Variants in MYOM2 observed in about 807,000 individuals in gnomAD.
The protein encoded by MYOM2 is myomesin-2.
MYOM2 carries 254 observed loss-of-function variants against 187.6 expected under a neutral mutation model. The ratio of observed to expected loss-of-function variants is 1.35; its 90% CI spans 1.22 to 1.50. The LOEUF is 1.50. Ranked by LOEUF, MYOM2 falls within the 40% of genes most tolerant of loss-of-function variation. The probability of loss-of-function intolerance (pLI) is 0.00; values close to 1 mark genes in which losing one functional copy is unlikely to be tolerated. For synonymous variants in MYOM2, 981 were observed against 753.8 expected (o/e 1.30, Z -4.94); for missense variants, 2,796 against 1,924.0 (o/e 1.45, Z -8.48).
chr8:2,054,306 G>A (rs746802236), intron 3 of MYOM2, among the ~76,000 whole-genome samples: 4 of 151,992 alleles, frequency 2.6e-5, no homozygotes, highest in South Asian at 2.1e-4. Context: ...TGGAAGATAC[G>A]ACCCCGATGC....
rs148428875 is a variant in MYOM2 at position 2,083,552 on chromosome 8, G to A, written c.1517-1711G>A. 1.6e-4 allele frequency among the ~76,000 whole-genome samples: 25 copies of A among 152,220 alleles called. No individual in the cohort carries two copies. In the East Asian group the frequency reaches 4.4e-3, roughly 27 times the overall value. ...TAGCGGCATCTTGCGTGTGCTTAGCGGTGTCTCTCGTGTGCTCAGCAGTAT... is the reference window on the plus strand; with the variant it reads ...TAGCGGCATCTTGCGTGTGCTTAGCAGTGTCTCTCGTGTGCTCAGCAGTAT... On this transcript the variant is annotated intron_variant, in intron 13 of 36. Coordinates refer to ENST00000262113, the MANE Select transcript of MYOM2 (RefSeq NM_003970.4).
At chr8:2,127,411 G>A (rs1381656982) in intron 31 of MYOM2, among the ~76,000 whole-genome samples, 2 of 152,260 alleles carry the variant, frequency 1.3e-5, no homozygotes, top group South Asian at 2.1e-4. Context: ...TCTTAGCCCC[G>A]CACAGTTCCC....
At chr8:2,068,884 C>T (rs1284039946) in intron 6 of MYOM2, among the ~76,000 whole-genome samples, 5 of 152,180 alleles carry the variant, frequency 3.3e-5, no homozygotes, top group Non-Finnish European at 5.9e-5. Flanking sequence ...CATCCCATCA[C>T]GACTGGTTCT....
At chr8:2,089,019 G>T (rs78985794) in intron 14 of MYOM2, among the ~76,000 whole-genome samples, 8 of 151,834 alleles carry the variant, frequency 5.3e-5, no homozygotes, top group Non-Finnish European at 5.9e-5. Flanking sequence ...ACAAACGCCC[G>T]GGGCAGATAC....
chr8:2,067,875 T>C (rs1296306628), intron 6 of MYOM2, among the ~76,000 whole-genome samples: 2 of 152,132 alleles, frequency 1.3e-5, no homozygotes, highest in Non-Finnish European at 2.9e-5. Context: ...TACTTTGGGA[T>C]TCTGGATGTA....
At chr8:2,138,570 T>G (rs940200267) in intron 32 of MYOM2, among the ~76,000 whole-genome samples, 1 of 152,230 alleles carries the variant, frequency 6.6e-6, no homozygotes, top group African/African-American at 2.4e-5. Flanking sequence ...TTACATTATG[T>G]GCATTCTAAC....
intron 13 of MYOM2, among the ~76,000 whole-genome samples, chr8:2,083,468 A>G (rs75474744): frequency 0.27 from 40,123 of 150,406 alleles, 5,429 homozygotes; most frequent in East Asian, 0.33. Context: ...TGTGCTTAGC[A>G]CCATCTCGCA....
At chr8:2,090,801 G>A (rs988068511) in intron 15 of MYOM2, among the ~76,000 whole-genome samples, 6 of 152,136 alleles carry the variant, frequency 3.9e-5, no homozygotes, top group Non-Finnish European at 8.8e-5. Context: ...ACGTGGTCTT[G>A]TTCTTTTTTA....
intron 6 of MYOM2, among the ~76,000 whole-genome samples, chr8:2,067,287 C>T (rs954568784): frequency 4.6e-5 from 7 of 152,292 alleles, no homozygotes; most frequent in African/African-American, 1.7e-4. Context: ...AAAAGTGAGA[C>T]TTGAGTAACT....
chr8:2,098,759 A>G (rs1038344630), intron 18 of MYOM2, 98 bp from the exon 19 acceptor site: 7 of 1,313,882 alleles, frequency 5.3e-6, no homozygotes, highest in African/African-American at 1.5e-5. Context: ...CCTTCCTCTC[A>G]TATTTTATTT....
At chr8:2,097,590 C>G (rs1796538122) in intron 18 of MYOM2, among the ~76,000 whole-genome samples, 1 of 152,188 alleles carries the variant, frequency 6.6e-6, no homozygotes, top group African/African-American at 2.4e-5. Flanking sequence ...TCTCGGCTCA[C>G]TGCAAGCTCC....
At chr8:2,071,218 C>G (rs1819203986) in intron 8 of MYOM2, among the ~76,000 whole-genome samples, 2 of 151,872 alleles carry the variant, frequency 1.3e-5, no homozygotes, top group African/African-American at 4.8e-5. Flanking sequence ...TGTTCTCGAA[C>G]TCCTGGGCTC....
rs1179005303 is a variant in MYOM2 at position 2,139,697 on chromosome 8, T to TCC, written c.3801-1026_3801-1025insCC. Among the ~76,000 whole-genome samples, 35 of 152,146 alleles carry TCC rather than the reference T, an allele frequency of 2.3e-4. 1 individual carries two copies. Among genetic ancestry groups the TCC allele is most frequent in the Admixed American group, 1.2e-3 (19 of 15,274 alleles). On this transcript the variant is annotated intron_variant, in intron 32 of 36. Transcript: ENST00000262113. ...GAGAAACAGGTCCACATTCCAGCTC[T>TCC]TGGGTGGCCCTGGAGTCCGTCCTGT...
At chr8:2,091,770 A>C (rs1221382574) in intron 15 of MYOM2, among the ~76,000 whole-genome samples, 1 of 152,136 alleles carries the variant, frequency 6.6e-6, no homozygotes, top group Non-Finnish European at 1.5e-5. Context: ...ACATATGAAA[A>C]ATGACAGTGT....
chr8:2,051,414 G>T (rs965220053), intron 2 of MYOM2, among the ~76,000 whole-genome samples: 7 of 152,142 alleles, frequency 4.6e-5, no homozygotes, highest in Non-Finnish European at 1.0e-4. Context: ...ACGCCCCCAT[G>T]GACACTGTTT....
At chr8:2,062,175 T>C (rs1258619405) in intron 6 of MYOM2, among the ~76,000 whole-genome samples, 1 of 152,106 alleles carries the variant, frequency 6.6e-6, no homozygotes, top group Non-Finnish European at 1.5e-5. Flanking sequence ...GTCACAGGCA[T>C]AGCCAGTGGC....
At chr8:2,050,259 A>G (rs1363628775) in intron 1 of MYOM2, among the ~76,000 whole-genome samples, 3 of 151,648 alleles carry the variant, frequency 2.0e-5, no homozygotes, top group African/African-American at 7.3e-5. Flanking sequence ...CCACCTGTCC[A>G]CCGAGCCTCC....
chr8:2,072,998 G>C (rs1028947669), intron 9 of MYOM2, among the ~76,000 whole-genome samples: 1 of 152,174 alleles, frequency 6.6e-6, no homozygotes, highest in Non-Finnish European at 1.5e-5. Context: ...AATCCCCCAC[G>C]GGCGGGGGGA....
chr8:2,110,798 G>C (rs1289677842), intron 25 of MYOM2, among the ~76,000 whole-genome samples: 3 of 152,162 alleles, frequency 2.0e-5, no homozygotes, highest in Non-Finnish European at 4.4e-5. Context: ...TGTCTGATGG[G>C]CATTTAGCAG....
Sources: gnomAD v4.1 joint callset for allele counts (sites outside exome capture counted in the v4.1 genomes callset) on GRCh38, gnomAD v4.1.1 for gene constraint, MANE v1.5 for transcripts, NCBI Gene and HGNC (gene_info 2026-07-23, HGNC 2026-07-21) for gene names.